The following PLS3 variants were observed in gnomAD, a reference collection of about 807,000 sequenced individuals.
The protein encoded by PLS3 is plastin-3.
In PLS3, 11 loss-of-function variants were observed where a neutral mutation model predicts 46.5. The ratio of observed to expected loss-of-function variants is 0.24; its 90% CI spans 0.15 to 0.39. The LOEUF is 0.39. PLS3 is among the 10% of genes least tolerant of loss of function. PLS3 has a pLI of 1.00. For synonymous variants in PLS3, 167 were observed against 162.2 expected, an observed-to-expected ratio of 1.03 and a Z score of -0.22; for missense variants, 308 against 461.8, an observed-to-expected ratio of 0.67 and a Z score of 3.05.
chrX:115,607,499 ATTT>A (rs59366150), intron 1 of PLS3, among the ~76,000 whole-genome samples: 5 of 72,830 alleles, frequency 6.9e-5, no homozygotes, highest in Non-Finnish European at 5.5e-5. Flanking sequence ...GTGTTATTTA[ATTT>A]TTTTTTTTTT....
At chrX:115,638,522 G>A (rs181494690) in intron 8 of PLS3, among the ~76,000 whole-genome samples, 1 of 110,933 alleles carries the variant, frequency 9.0e-6, no homozygotes, top group African/African-American at 3.3e-5. Flanking sequence ...TGGGATTACA[G>A]GCATGAGCCA....
intron 3 of PLS3, among the ~76,000 whole-genome samples, chrX:115,623,163 T>C (rs1029522327): frequency 2.4e-4 from 27 of 111,580 alleles, no homozygotes; most frequent in African/African-American, 7.5e-4. Flanking sequence ...CCATTTTCAG[T>C]CTGTATTTAT....
chrX:115,645,741 T>C (rs1156525092), intron 11 of PLS3, among the ~76,000 whole-genome samples: 24 of 111,636 alleles, frequency 2.1e-4, no homozygotes, highest in African/African-American at 7.8e-4. Context: ...TGTTTGTTTA[T>C]TGTCAACAAA....
intron 1 of PLS3, among the ~76,000 whole-genome samples, chrX:115,576,299 C>T (rs1421300566): frequency 2.7e-5 from 3 of 111,803 alleles, no homozygotes; most frequent in East Asian, 2.8e-4. Flanking sequence ...CCGGAAATGA[C>T]GGCTCATGCC....
chrX:115,620,103 A>C (rs1453275999), intron 2 of PLS3, among the ~76,000 whole-genome samples: 2 of 111,321 alleles, frequency 1.8e-5, no homozygotes, highest in African/African-American at 6.5e-5. Flanking sequence ...GTAATTGACC[A>C]AAAATTGGAC....
intron 7 of PLS3, 82 bp from the exon 8 acceptor site, chrX:115,636,754 C>T: frequency 9.1e-6 from 8 of 880,799 alleles, no homozygotes; most frequent in Non-Finnish European, 1.3e-5. Flanking sequence ...TATTACTTAA[C>T]AGTGTCAAAA....
At chrX:115,584,079 G>A (rs951125733) in intron 1 of PLS3, among the ~76,000 whole-genome samples, 4 of 111,991 alleles carry the variant, frequency 3.6e-5, no homozygotes, top group African/African-American at 1.3e-4. Context: ...TAGCTTTCAG[G>A]AATGATCGTA....
At chrX:115,622,975 AAATATTCTTC>A (rs1472129161) in intron 3 of PLS3, among the ~76,000 whole-genome samples, 1 of 111,311 alleles carries the variant, frequency 9.0e-6, no homozygotes, top group Non-Finnish European at 1.9e-5. Flanking sequence ...TAGTTTCATC[AAATATTCTTC>A]AAGGTTAGGG....
At chrX:115,643,089 G>T (rs2074914464) in intron 9 of PLS3, among the ~76,000 whole-genome samples, 1 of 111,298 alleles carries the variant, frequency 9.0e-6, no homozygotes, top group African/African-American at 3.3e-5. Flanking sequence ...TTAGTTAAAT[G>T]TACTCAGTAG....
chrX:115,588,803 G>A (rs1556632745), intron 1 of PLS3, among the ~76,000 whole-genome samples: 11 of 111,236 alleles, frequency 9.9e-5, no homozygotes, highest in Non-Finnish European at 2.1e-4. Flanking sequence ...TGTAGAGCAT[G>A]TGAGTTATTC....
intron 12 of PLS3, 75 bp downstream of exon 12, chrX:115,646,261 C>G: frequency 3.4e-6 from 3 of 883,298 alleles, no homozygotes; most frequent in East Asian, 6.2e-5. Flanking sequence ...TTCTAAAACT[C>G]TTGACGCTGA....
chrX:115,573,093 C>CAAAAAAAAAAAAAA (rs1163578692), intron 1 of PLS3, among the ~76,000 whole-genome samples: 1 of 30,255 alleles, frequency 3.3e-5, no homozygotes, highest in African/African-American at 9.5e-5. Flanking sequence ...GACTCCGTCT[C>CAAAAAAAAAAAAAA]AAAAAAAAAA....
At chrX:115,605,065 G>T (rs1319502956) in intron 1 of PLS3, among the ~76,000 whole-genome samples, 1 of 111,875 alleles carries the variant, frequency 8.9e-6, no homozygotes, top group Admixed American at 9.5e-5. Context: ...ATATTTTTTA[G>T]TCTTGGCCCA....
At chrX:115,609,484 G>T in intron 1 of PLS3, among the ~76,000 whole-genome samples, 1 of 111,233 alleles carries the variant, frequency 9.0e-6, no homozygotes, top group Non-Finnish European at 1.9e-5. Context: ...CACTTAATTG[G>T]GTTCAAAGTT....
chrX:115,579,192 C>T (rs923027040), intron 1 of PLS3, among the ~76,000 whole-genome samples: 2 of 111,699 alleles, frequency 1.8e-5, no homozygotes, highest in Non-Finnish European at 3.8e-5. Flanking sequence ...AGCTTTTTTT[C>T]TCTGAGCGTA....
chrX:115,574,354 A>C (rs1165579864), intron 1 of PLS3, among the ~76,000 whole-genome samples: 1 of 112,147 alleles, frequency 8.9e-6, no homozygotes, highest in Non-Finnish European at 1.9e-5. Flanking sequence ...TGATTTATGA[A>C]TTACATTGCA....
At position 115,650,377 on chromosome X, in the gene PLS3, C is replaced by T. The variant is rs1428943380; in HGVS notation, c.*816C>T. ...GTTTTAAAACCTGTATCATCAAACT[C>T]TCTCTCTAAATTTAAAATGCTGTTG... On this transcript the variant is annotated 3_prime_UTR_variant, in exon 16 of 16. Transcript: ENST00000355899. 2 of 112,002 alleles carry T rather than the reference C, an allele frequency of 1.8e-5. No individual in the cohort carries two copies. The highest frequency in any genetic ancestry group is 3.8e-5 in the Non-Finnish European group (2 of 53,156). 9.2% of individuals were successfully genotyped at this position (112,002 alleles called of 1,213,427 possible).
chrX:115,581,997 A>G (rs934597642), intron 1 of PLS3, among the ~76,000 whole-genome samples: 2 of 112,292 alleles, frequency 1.8e-5, no homozygotes, highest in Admixed American at 9.5e-5. Flanking sequence ...ATGCAAAACT[A>G]TAATTTAGAA....
intron 2 of PLS3, chrX:115,614,682 A>C (rs1426373875): frequency 5.9e-6 from 2 of 338,663 alleles, no homozygotes; most frequent in Non-Finnish European, 7.7e-6. Flanking sequence ...CTTCTGCCCA[A>C]GTCTTTTGAC....
Sources: allele counts gnomAD v4.1 joint callset (sites outside exome capture counted in the v4.1 genomes callset), GRCh38; gene constraint gnomAD v4.1.1; transcripts MANE v1.5; gene names NCBI Gene and HGNC (gene_info 2026-07-23, HGNC 2026-07-21).